Variants in PRKD1 observed in about 807,000 individuals in gnomAD.
The protein encoded by PRKD1 is serine/threonine-protein kinase D1.
A neutral mutation model predicts 95.9 loss-of-function variants in PRKD1; 63 were observed. The ratio of observed to expected loss-of-function variants is 0.66; its 90% CI spans 0.54 to 0.81. The LOEUF (loss-of-function observed/expected upper bound fraction) is 0.81. PRKD1 is among the 30% of genes least tolerant of loss of function. The pLI is 0.00. For missense variants in PRKD1, 1,048 were observed against 1,165.3 expected, an observed-to-expected ratio of 0.90 and a Z score of 1.47; for synonymous variants, 425 against 423.1, an observed-to-expected ratio of 1.00 and a Z score of -0.05.
At chr14:29,719,814 C>G (rs1024735341) in intron 2 of PRKD1, among the ~76,000 whole-genome samples, 3 of 152,186 alleles carry the variant, frequency 2.0e-5, no homozygotes, top group Non-Finnish European at 4.4e-5. Context: ...GGATCATCCT[C>G]TCAGACAATT....
intron 2 of PRKD1, among the ~76,000 whole-genome samples, chr14:29,694,687 G>T (rs538852329): frequency 7.9e-5 from 12 of 152,308 alleles, no homozygotes; most frequent in Non-Finnish European, 1.6e-4. Flanking sequence ...AGAAGTGGGG[G>T]ATGGGAAGTA....
intron 1 of PRKD1, among the ~76,000 whole-genome samples, chr14:29,913,200 T>C (rs1245429467): frequency 1.3e-5 from 2 of 152,228 alleles, no homozygotes; most frequent in African/African-American, 4.8e-5. Flanking sequence ...GCTTAAACCA[T>C]TTAGAAGAGT....
intron 1 of PRKD1, among the ~76,000 whole-genome samples, chr14:29,857,986 T>C (rs1464963525): frequency 1.3e-5 from 2 of 152,210 alleles, no homozygotes; most frequent in Non-Finnish European, 2.9e-5. Flanking sequence ...TTCAAGGAGA[T>C]TCTGTGAGCC....
chr14:29,615,724 C>T (rs765216110), intron 13 of PRKD1, among the ~76,000 whole-genome samples: 45 of 152,214 alleles, frequency 3.0e-4, no homozygotes, highest in African/African-American at 3.9e-4. Context: ...CATGTTTATA[C>T]GGCCCAAAGG....
In PRKD1 at chr14:29,626,558, T is replaced by C. The variant is rs1879637238; in HGVS notation, c.1726-2A>G. ...AATCTGATATACTGTGCTGATGTCC[T>C]AGAGGTACAAGCCCAATGAAAAAAA... On this transcript the variant is annotated splice_acceptor_variant, in intron 11 of 17. Transcript: ENST00000331968. LOFTEE classifies it high-confidence loss of function. The C allele has an allele frequency of 1.2e-6, 2 of 1,601,762 alleles. No individual in the cohort carries two copies. The highest frequency in any genetic ancestry group is 1.7e-5 in the Admixed American group (1 of 59,086).
chr14:29,725,802 A>T, intron 1 of PRKD1, 128 bp from the exon 2 acceptor site: 1 of 880,908 alleles, frequency 1.1e-6, no homozygotes, highest in Non-Finnish European at 1.6e-6. Context: ...AAAATATTTT[A>T]AAATTAAAAA....
chr14:29,777,610 T>C (rs544924344), intron 1 of PRKD1, among the ~76,000 whole-genome samples: 129 of 152,270 alleles, frequency 8.5e-4, no homozygotes, highest in Non-Finnish European at 1.5e-3. Context: ...TAAATATATA[T>C]GAACCCAATA....
chr14:29,810,929 A>G (rs1566613922), intron 1 of PRKD1, among the ~76,000 whole-genome samples: 1 of 152,226 alleles, frequency 6.6e-6, no homozygotes. Context: ...CCACATATTT[A>G]TATCATTATG....
chr14:29,927,262 A>G lies in PRKD1; in HGVS notation c.251T>C (p.Ile84Thr). 1.3e-6 allele frequency: 2 copies of G among 1,515,070 alleles called. No individual in the cohort carries two copies. Among genetic ancestry groups the G allele is most frequent in the Non-Finnish European group, 1.8e-6 (2 of 1,132,134 alleles). The allele number at this position is 1,515,070 out of a possible 1,614,324, so 93.9% of individuals were successfully genotyped here. The change falls in exon 1 of 18, where the codon ATT becomes ACT. Residue 84 changes from isoleucine to threonine, a missense_variant. Coordinates refer to ENST00000331968, the MANE Select transcript of PRKD1 (RefSeq NM_002742.3). ...GCGGCGACTTACCTTCTGGTCGACA[A>G]TGGAGCAAGCCATCTCGCGGACGTG... ...LAHVREMACS[I>T]VDQKFPECGF...
chr14:29,599,982 T>A (rs894983833), intron 13 of PRKD1, among the ~76,000 whole-genome samples, 165 bp from the exon 14 acceptor site: 2 of 152,186 alleles, frequency 1.3e-5, no homozygotes, highest in African/African-American at 4.8e-5. Flanking sequence ...TTTTTGAAAT[T>A]CTAATGTCTC....
chr14:29,800,074 A>T (rs1889965345), intron 1 of PRKD1, among the ~76,000 whole-genome samples: 1 of 152,198 alleles, frequency 6.6e-6, no homozygotes, highest in Admixed American at 6.5e-5. Context: ...CATGGGTTTG[A>T]CCGCTATTGA....
chr14:29,796,750 TGACCA>T (rs1889835711), intron 1 of PRKD1, among the ~76,000 whole-genome samples: 1 of 152,196 alleles, frequency 6.6e-6, no homozygotes, highest in Non-Finnish European at 1.5e-5. Flanking sequence ...CTGTTGAACC[TGACCA>T]GAGTTCTAGG....
At chr14:29,723,877 G>T (rs1449219696) in intron 2 of PRKD1, among the ~76,000 whole-genome samples, 1 of 152,082 alleles carries the variant, frequency 6.6e-6, no homozygotes, top group Non-Finnish European at 1.5e-5. Context: ...GAAATGGGCT[G>T]CTCTTAAATG....
intron 16 of PRKD1, among the ~76,000 whole-genome samples, chr14:29,585,501 C>T (rs1201912890): frequency 6.6e-6 from 1 of 152,108 alleles, no homozygotes; most frequent in African/African-American, 2.4e-5. Flanking sequence ...ATTGTTTAAA[C>T]ACACCCATAC....
At chr14:29,703,960 C>T (rs536052881) in intron 2 of PRKD1, among the ~76,000 whole-genome samples, 2 of 152,294 alleles carry the variant, frequency 1.3e-5, no homozygotes, top group African/African-American at 2.4e-5. Context: ...CAAGCCAGTG[C>T]TTTCACTGGG....
chr14:29,779,340 T>A (rs1052812433), intron 1 of PRKD1, among the ~76,000 whole-genome samples: 4 of 152,114 alleles, frequency 2.6e-5, no homozygotes, highest in Non-Finnish European at 5.9e-5. Flanking sequence ...AAAGAGGAAG[T>A]CAAATTGTCC....
intron 8 of PRKD1, among the ~76,000 whole-genome samples, chr14:29,634,035 C>A (rs45498794): frequency 6.6e-6 from 1 of 152,136 alleles, no homozygotes; most frequent in Admixed American, 6.6e-5. Flanking sequence ...TAAGGACTTA[C>A]GAAGTATAAG....
intron 1 of PRKD1, among the ~76,000 whole-genome samples, chr14:29,886,186 A>T (rs1013465514): frequency 6.6e-6 from 1 of 152,184 alleles, no homozygotes; most frequent in African/African-American, 2.4e-5. Flanking sequence ...CACAAGGAAA[A>T]GCTTACAGTA....
intron 2 of PRKD1, among the ~76,000 whole-genome samples, chr14:29,720,008 T>A (rs1419544184): frequency 6.6e-6 from 1 of 152,226 alleles, no homozygotes; most frequent in Non-Finnish European, 1.5e-5. Flanking sequence ...AAATAATTCC[T>A]TTAAAGTTGT....
Sources: allele counts gnomAD v4.1 joint callset (sites outside exome capture counted in the v4.1 genomes callset), GRCh38; gene constraint gnomAD v4.1.1; transcripts MANE v1.5; gene names NCBI Gene and HGNC (gene_info 2026-07-23, HGNC 2026-07-21).